NMNAT3: variants seen among roughly 807,000 people sequenced by gnomAD.
The protein encoded by NMNAT3 is nicotinamide nucleotide adenylyltransferase 3, also known as nicotinamide/nicotinic acid mononucleotide adenylyltransferase 3.
NMNAT3 carries 21 observed loss-of-function variants against 24.8 expected under a neutral mutation model. The observed-to-expected ratio is 0.85, with a 90% CI of 0.60 to 1.22. NMNAT3 has a LOEUF of 1.22. Among genes scored for constraint, NMNAT3 ranks in the 50% most tolerant of loss-of-function variants. The pLI is 0.00. For missense variants in NMNAT3, 387 were observed against 436.6 expected (o/e 0.89, Z 1.01); for synonymous variants, 136 against 155.2 (o/e 0.88, Z 0.92).
chr3:139,636,078 G>A (rs973107995), intron 2 of NMNAT3: 2 of 152,088 alleles, frequency 1.3e-5, no homozygotes, highest in African/African-American at 2.4e-5. Context: ...TGCCAACCCC[G>A]GGCTGCCTAC....
chr3:139,624,552 G>A (rs973373415), intron 3 of NMNAT3, among the ~76,000 whole-genome samples: 3 of 151,690 alleles, frequency 2.0e-5, no homozygotes, highest in Non-Finnish European at 4.4e-5. Flanking sequence ...GATTCAAGCC[G>A]ATTATCCTGC....
chr3:139,645,013 A>G (rs1187215547), intron 1 of NMNAT3, among the ~76,000 whole-genome samples: 3 of 152,242 alleles, frequency 2.0e-5, no homozygotes, highest in South Asian at 2.1e-4. Flanking sequence ...ACTAGCCTGA[A>G]CAAAATGGTG....
chr3:139,675,603 C>G (rs1030386584), intron 1 of NMNAT3, among the ~76,000 whole-genome samples: 2 of 152,188 alleles, frequency 1.3e-5, no homozygotes, highest in Non-Finnish European at 2.9e-5. Context: ...GGCAAAACCA[C>G]TGCAACAGAT....
At chr3:139,586,255 G>T (rs2053934983) in intron 3 of NMNAT3, among the ~76,000 whole-genome samples, 1 of 152,114 alleles carries the variant, frequency 6.6e-6, no homozygotes, top group Non-Finnish European at 1.5e-5. Context: ...GAGAAGCAGA[G>T]AAAATAACTA....
At chr3:139,646,841 T>A (rs1161747286) in intron 1 of NMNAT3, among the ~76,000 whole-genome samples, 3 of 151,834 alleles carry the variant, frequency 2.0e-5, no homozygotes, top group Non-Finnish European at 4.4e-5. Flanking sequence ...GACTGAAGAG[T>A]TTGAAGCAGG....
At chr3:139,608,816 C>T (rs2055061218) in intron 3 of NMNAT3, among the ~76,000 whole-genome samples, 1 of 152,176 alleles carries the variant, frequency 6.6e-6, no homozygotes, top group African/African-American at 2.4e-5. Context: ...TCGCCACAGT[C>T]AAGGCACAGA....
intron 4 of NMNAT3, 145 bp from the exon 5 acceptor site, chr3:139,579,200 A>G: frequency 3.0e-6 from 2 of 673,492 alleles, no homozygotes; most frequent in Non-Finnish European, 5.1e-6. Context: ...GAGAAAGGGT[A>G]GCTCCCTTAG....
At chr3:139,668,007 T>A (rs1349776378) in intron 1 of NMNAT3, among the ~76,000 whole-genome samples, 1 of 152,166 alleles carries the variant, frequency 6.6e-6, no homozygotes, top group Non-Finnish European at 1.5e-5. Flanking sequence ...ATGGGAGGTA[T>A]CCATATAAAG....
intron 1 of NMNAT3, among the ~76,000 whole-genome samples, chr3:139,646,493 C>T (rs931144362): frequency 2.6e-5 from 4 of 152,206 alleles, no homozygotes; most frequent in African/African-American, 9.7e-5. Flanking sequence ...ACCAACATCT[C>T]CCCACAATCA....
chr3:139,568,754 A>T (rs1274129410), intron 6 of NMNAT3: 1 of 152,170 alleles, frequency 6.6e-6, no homozygotes, highest in Non-Finnish European at 1.5e-5. Context: ...GGAGTGCTTT[A>T]CTTCCAACTA....
chr3:139,671,064 T>C (rs1343817752), intron 1 of NMNAT3, among the ~76,000 whole-genome samples: 1 of 152,176 alleles, frequency 6.6e-6, no homozygotes, highest in Admixed American at 6.5e-5. Flanking sequence ...GGCCTAAAAT[T>C]ACAAACTGAA....
chr3:139,592,665 C>A (rs2054253021), intron 3 of NMNAT3, among the ~76,000 whole-genome samples: 1 of 152,024 alleles, frequency 6.6e-6, no homozygotes, highest in Non-Finnish European at 1.5e-5. Flanking sequence ...GGCCAATATT[C>A]AACATTCTTA....
chr3:139,603,186 C>T (rs774658780), intron 3 of NMNAT3, among the ~76,000 whole-genome samples: 22 of 152,238 alleles, frequency 1.4e-4, no homozygotes, highest in Middle Eastern at 3.4e-3. Context: ...CTTTGAGAGC[C>T]CTTAATGTGC....
chr3:139,637,875 T>C (rs2056558784), intron 2 of NMNAT3, 88 bp downstream of exon 2: 3 of 152,342 alleles, frequency 2.0e-5, no homozygotes, highest in Non-Finnish European at 4.4e-5. Flanking sequence ...CCTCCATTCT[T>C]TCCTTGCATA....
intron 6 of NMNAT3, chr3:139,569,577 G>A (rs1379972166): frequency 6.6e-6 from 1 of 152,034 alleles, no homozygotes; most frequent in Non-Finnish European, 1.5e-5. Flanking sequence ...GTCTGTAAAG[G>A]GTTTTATTTC....
rs910420174 is a variant in NMNAT3, at chr3:139,591,441, G to A, written c.110-8233C>T. Among the ~76,000 whole-genome samples the A allele has an allele frequency of 7.6e-4, 115 of 152,236 alleles. 1 individual carries two copies. Among genetic ancestry groups the A allele is most frequent in the African/African-American group, 2.5e-3 (106 of 41,576 alleles). ...TTGCTTAGGTAAACAAAGCAGCCGG[G>A]AAGCTCGAACTGGGTGGAGCCCACC... On this transcript the variant is annotated intron_variant, in intron 3 of 6. Transcript: ENST00000643695.
chr3:139,575,537 T>C (rs1189537120), intron 5 of NMNAT3: 1 of 975,174 alleles, frequency 1.0e-6, no homozygotes, highest in African/African-American at 1.8e-5. Flanking sequence ...TTGGCACACA[T>C]AGAGGGTGAT....
chr3:139,586,056 T>G (rs2053925929), intron 3 of NMNAT3, among the ~76,000 whole-genome samples: 1 of 152,208 alleles, frequency 6.6e-6, no homozygotes, highest in South Asian at 2.1e-4. Context: ...CCTGCTAACC[T>G]CTCTGGTTCC....
chr3:139,652,347 C>G (rs1045747652), intron 1 of NMNAT3, among the ~76,000 whole-genome samples: 6 of 152,232 alleles, frequency 3.9e-5, no homozygotes, highest in African/African-American at 1.2e-4. Context: ...TTTGCACTGA[C>G]TAATATTTCC....
Sources: allele counts gnomAD v4.1 joint callset (sites outside exome capture counted in the v4.1 genomes callset), GRCh38; gene constraint gnomAD v4.1.1; transcripts MANE v1.5; gene names NCBI Gene and HGNC (gene_info 2026-07-23, HGNC 2026-07-21).